Variants in C2orf76 observed in about 807,000 individuals in gnomAD.
C2orf76 encodes chromosome 2 open reading frame 76, also known as UPF0538 protein C2orf76.
Under a neutral mutation model 16.9 loss-of-function variants are expected in C2orf76, and 23 were observed. The observed-to-expected ratio is 1.36, with a 90% CI of 0.98 to 1.93. The LOEUF (loss-of-function observed/expected upper bound fraction) is 1.93, where lower values mean the gene tolerates loss of function less well. C2orf76 is among the 30% of genes most tolerant of loss of function. The probability of loss-of-function intolerance (pLI) is 0.00; values close to 1 mark genes in which losing one functional copy is unlikely to be tolerated. For missense variants in C2orf76, 152 were observed against 152.6 expected (o/e 1.00, Z 0.02); for synonymous variants, 48 against 52.3 (o/e 0.92, Z 0.35).
chr2:119,326,887 C>G (rs1175885155), intron 2 of C2orf76, among the ~76,000 whole-genome samples: 1 of 151,994 alleles, frequency 6.6e-6, no homozygotes, highest in Non-Finnish European at 1.5e-5. Context: ...AATTCTTGTA[C>G]ACTGATCTTA....
chr2:119,341,579 C>G (rs1680030659), intron 1 of C2orf76, among the ~76,000 whole-genome samples: 1 of 152,106 alleles, frequency 6.6e-6, no homozygotes, highest in African/African-American at 2.4e-5. Flanking sequence ...AGATGTAACT[C>G]TAACTCTCAC....
chr2:119,356,807 T>C (rs1680585467), intron 1 of C2orf76, among the ~76,000 whole-genome samples: 1 of 150,698 alleles, frequency 6.6e-6, no homozygotes, highest in Non-Finnish European at 1.5e-5. Flanking sequence ...GGGAATGAAA[T>C]GGAGGATATC....
At position 119,366,833 on chromosome 2, in the gene C2orf76, G is replaced by T; in HGVS notation, c.-56C>A. Reference sequence around the variant, plus strand: ...TCGGCTACTCCCGGCGTTTGCGCAAGCGGTCCCACGTGGGCTCGGGCGGGG... The same window carrying T: ...TCGGCTACTCCCGGCGTTTGCGCAATCGGTCCCACGTGGGCTCGGGCGGGG... On this transcript the variant is annotated 5_prime_UTR_variant, in exon 1 of 6. Transcript: ENST00000334816. 1.6e-6 allele frequency: 1 copy of T among 607,324 alleles called. No individual in the cohort carries two copies. The highest frequency in any genetic ancestry group is 2.1e-5 in the South Asian group (1 of 48,324). The allele number at this position is 607,324 out of a possible 1,614,324, so 37.6% of individuals were successfully genotyped here.
At chr2:119,304,544 G>T (rs562599492) in intron 5 of C2orf76, among the ~76,000 whole-genome samples, 6 of 152,312 alleles carry the variant, frequency 3.9e-5, no homozygotes, top group African/African-American at 1.4e-4. Context: ...CTCAAAATGA[G>T]AGTCTGCAGT....
At chr2:119,323,960 T>C (rs997924288) in intron 2 of C2orf76, among the ~76,000 whole-genome samples, 4 of 152,220 alleles carry the variant, frequency 2.6e-5, no homozygotes, top group African/African-American at 9.7e-5. Flanking sequence ...AGATACCAAT[T>C]TGAAACCTCT....
At position 119,337,959 on chromosome 2, in the gene C2orf76, T is replaced by C. The variant is rs1679903825; in HGVS notation, c.133+1868A>G. Among the ~76,000 whole-genome samples the C allele has an allele frequency of 2.6e-5, 4 of 152,334 alleles. No homozygotes were observed. The South Asian group carries it at 8.3e-4, about 32-fold the overall frequency. On this transcript the variant is annotated intron_variant, in intron 2 of 5. Transcript: ENST00000334816. ...ATTCTCAAGGACTTCAAGAACCTAG[T>C]CTGTACTGTACAAAGAACATCATAG...
chr2:119,297,221 A>G, the C2orf76 span, among the ~76,000 whole-genome samples: 1 of 152,236 alleles, frequency 6.6e-6, no homozygotes, highest in South Asian at 2.1e-4. Flanking sequence ...AGGACTCCTC[A>G]GAGCTCTAGC....
chr2:119,301,524 G>A (rs1057340798), downstream of C2orf76, among the ~76,000 whole-genome samples: 2 of 151,914 alleles, frequency 1.3e-5, no homozygotes, highest in African/African-American at 4.8e-5. Context: ...GGCAGAGCTG[G>A]CTAAGCTCTC....
intron 1 of C2orf76, among the ~76,000 whole-genome samples, chr2:119,353,380 G>A (rs988309742): frequency 6.6e-6 from 1 of 152,060 alleles, no homozygotes; most frequent in East Asian, 1.9e-4. Context: ...TCACACTTAG[G>A]ACTATGACTA....
chr2:119,366,555 C>A, intron 1 of C2orf76: 1 of 465,950 alleles, frequency 2.1e-6, no homozygotes, highest in Non-Finnish European at 4.4e-6. Context: ...AAGGGAGGAG[C>A]GGGTCCCGCC....
intron 1 of C2orf76, among the ~76,000 whole-genome samples, chr2:119,357,825 C>T (rs370699046): frequency 6.6e-6 from 1 of 152,062 alleles, no homozygotes; most frequent in African/African-American, 2.4e-5. Flanking sequence ...ATTATCTACA[C>T]AGAAAATCCC....
At chr2:119,318,830 A>AT (rs1217814104) in intron 3 of C2orf76, among the ~76,000 whole-genome samples, 1 of 152,030 alleles carries the variant, frequency 6.6e-6, no homozygotes, top group Non-Finnish European at 1.5e-5. Flanking sequence ...TGGCCTTGTA[A>AT]TTTTTTATAC....
At chr2:119,309,569 G>A (rs1275441413) in intron 5 of C2orf76, among the ~76,000 whole-genome samples, 2 of 151,728 alleles carry the variant, frequency 1.3e-5, no homozygotes. Context: ...ACAGGCGTGT[G>A]CCACCACACC....
At chr2:119,328,372 T>C (rs1679575194) in intron 2 of C2orf76, among the ~76,000 whole-genome samples, 1 of 152,202 alleles carries the variant, frequency 6.6e-6, no homozygotes, top group Non-Finnish European at 1.5e-5. Flanking sequence ...TTGTCCTCTT[T>C]ATCTAGGATA....
At chr2:119,334,758 G>A (rs1409529453) in intron 2 of C2orf76, among the ~76,000 whole-genome samples, 1 of 151,700 alleles carries the variant, frequency 6.6e-6, no homozygotes, top group Non-Finnish European at 1.5e-5. Flanking sequence ...GAATGCAGGT[G>A]GTGACAAGAG....
chr2:119,286,966 C>T, the C2orf76 span, among the ~76,000 whole-genome samples: 4 of 152,252 alleles, frequency 2.6e-5, no homozygotes, highest in South Asian at 8.3e-4. Context: ...CTTCTTAGTA[C>T]CCCCAGTGAG....
chr2:119,292,459 G>A, the C2orf76 span, among the ~76,000 whole-genome samples: 6 of 152,114 alleles, frequency 3.9e-5, no homozygotes, highest in Non-Finnish European at 7.4e-5. Context: ...ACTGTCAGCC[G>A]CATGAAAATG....
intron 2 of C2orf76, among the ~76,000 whole-genome samples, chr2:119,332,620 C>T (rs190586497): frequency 1.1e-4 from 16 of 152,196 alleles, no homozygotes; most frequent in African/African-American, 3.6e-4. Context: ...TTTGCCAGTC[C>T]CACTGTTACT....
chr2:119,308,622 CAG>C (rs2104540264), intron 5 of C2orf76, among the ~76,000 whole-genome samples: 1 of 152,298 alleles, frequency 6.6e-6, no homozygotes, highest in South Asian at 2.1e-4. Flanking sequence ...GCCTGGGCGA[CAG>C]AGCAAGACTC....
Sources: allele counts gnomAD v4.1 joint callset (sites outside exome capture counted in the v4.1 genomes callset), GRCh38; gene constraint gnomAD v4.1.1; transcripts MANE v1.5; gene names NCBI Gene and HGNC (gene_info 2026-07-23, HGNC 2026-07-21).